The following SPEN variants were observed in gnomAD, a reference collection of about 807,000 sequenced individuals.
SPEN encodes the protein msx2-interacting protein.
Under a neutral mutation model 269.9 loss-of-function variants are expected in SPEN, and 18 were observed. The ratio of observed to expected loss-of-function variants is 0.07; its 90% confidence interval spans 0.05 to 0.10. The LOEUF is 0.10. Ranked by LOEUF, SPEN falls within the 10% of genes least tolerant of loss-of-function variation. The pLI is 1.00. For synonymous variants in SPEN, 1,726 were observed against 1,765.7 expected (o/e 0.98, Z 0.56); for missense variants, 3,822 against 4,631.2 (o/e 0.83, Z 5.07).
At chr1:15,873,742 G>A (rs2148710992) in intron 2 of SPEN, 4 of 1,004,562 alleles carry the variant, frequency 4.0e-6, no homozygotes, top group Non-Finnish European at 4.8e-6. Context: ...CACAATTTCT[G>A]TATTGTTGGA....
chr1:15,889,164 CT>C (rs56721891), intron 3 of SPEN, among the ~76,000 whole-genome samples: 144 of 124,888 alleles, frequency 1.2e-3, no homozygotes, highest in East Asian at 2.4e-3. Flanking sequence ...CTTTTCTTTT[CT>C]TTTTTTTTTT....
At chr1:15,916,000 A>T (rs1028312176) in intron 5 of SPEN, 128 bp from the exon 6 acceptor site, 2 of 1,052,942 alleles carry the variant, frequency 1.9e-6, no homozygotes, top group Non-Finnish European at 2.6e-6. Flanking sequence ...ATGATATTTC[A>T]GTTTATGTGA....
Position 15,937,344 on chromosome 1 carries a change from G to A in SPEN, c.10208G>A (p.Arg3403His), listed in dbSNP as rs549789481. Residue 3403 changes from arginine to histidine, a missense_variant, in exon 12 of 15, where the codon CGC becomes CAC. Arg to His is a conservative substitution (Grantham distance 29). This residue lies in a region of SPEN where 359 missense variants were observed against 377.3 expected (regional missense o/e 0.95). Transcript: ENST00000375759. This position sits in a 1 kb window ranked among gnomAD's most constrained non-coding sequence, Gnocchi z 5.7. ...ACCCAGACGGGAGTAGAGCAGCCTC[G>A]CCTCCCAGCTGGACCTGCAAACAGG... The part of the protein sequence containing the change: ...KGTQTGVEQP[R>H]LPAGPANRPP... 9.3e-6 allele frequency: 15 copies of A among 1,613,816 alleles called. No homozygotes were observed. The highest frequency in any genetic ancestry group is 5.3e-5 in the African/African-American group (4 of 74,914).
chr1:15,877,123 A>G (rs1172804625), intron 3 of SPEN, among the ~76,000 whole-genome samples: 1 of 152,230 alleles, frequency 6.6e-6, no homozygotes, highest in African/African-American at 2.4e-5. Flanking sequence ...ATCAATGACT[A>G]GATCAACTTA....
chr1:15,860,997 T>G (rs1216874840), intron 1 of SPEN, among the ~76,000 whole-genome samples: 1 of 151,980 alleles, frequency 6.6e-6, no homozygotes, highest in Non-Finnish European at 1.5e-5. Context: ...CTCTGCCTCC[T>G]GGGTTCAATT....
At chr1:15,891,390 C>T (rs536255773) in intron 3 of SPEN, among the ~76,000 whole-genome samples, 24 of 148,764 alleles carry the variant, frequency 1.6e-4, no homozygotes, top group African/African-American at 5.7e-4. Flanking sequence ...CTGGCTCTGT[C>T]GCCCAGGCTG....
In SPEN at chr1:15,933,122, C is replaced by G; in HGVS notation, c.6882C>G (p.Gly2294=). The part of the protein sequence containing the change: ...PPVNAPDPSA[G]PTDTKEARGN... Reference sequence around the variant, plus strand: ...TCAATGCTCCTGACCCCTCAGCCGGCCCAACAGATACCAAGGAAGCCAGAG... The same window carrying G: ...TCAATGCTCCTGACCCCTCAGCCGGGCCAACAGATACCAAGGAAGCCAGAG... The change falls in exon 11 of 15, where the codon GGC becomes GGG. Residue 2294 remains glycine (G), a synonymous_variant. Transcript: ENST00000375759. This position sits in a 1 kb window ranked among gnomAD's most constrained non-coding sequence, Gnocchi z 5.7. 6.2e-7 allele frequency: 1 copy of G among 1,614,170 alleles called. No homozygotes were observed. Among genetic ancestry groups the G allele is most frequent in the Non-Finnish European group, 8.5e-7 (1 of 1,180,034 alleles).
intron 10 of SPEN, among the ~76,000 whole-genome samples, chr1:15,926,293 G>A (rs905078421): frequency 6.6e-6 from 1 of 151,912 alleles, no homozygotes; most frequent in African/African-American, 2.4e-5. Flanking sequence ...GCTACTTGTG[G>A]TGGTGGTGAG....
intron 3 of SPEN, among the ~76,000 whole-genome samples, chr1:15,906,002 GTTTAC>G (rs978979496): frequency 6.6e-6 from 1 of 152,130 alleles, no homozygotes; most frequent in African/African-American, 2.4e-5. Context: ...TTTCCTTAAT[GTTTAC>G]TTTATGATTA....
At chr1:15,877,475 A>G (rs745471148) in intron 3 of SPEN, among the ~76,000 whole-genome samples, 5 of 152,194 alleles carry the variant, frequency 3.3e-5, no homozygotes, top group Non-Finnish European at 7.3e-5. Context: ...CATGTTGGCC[A>G]GGCTGTTCTT....
At chr1:15,904,648 A>AT (rs113834328) in intron 3 of SPEN, among the ~76,000 whole-genome samples, 7,473 of 139,400 alleles carry the variant, frequency 0.054, 246 homozygotes, top group South Asian at 0.16. Context: ...GAGTGTGATA[A>AT]TTTTTTTTTT....
chr1:15,882,315 TTATTTC>T (rs2070693198), intron 3 of SPEN, among the ~76,000 whole-genome samples: 1 of 152,152 alleles, frequency 6.6e-6, no homozygotes, highest in Non-Finnish European at 1.5e-5. Context: ...TGAACATACT[TTATTTC>T]TATAGTTCCC....
intron 6 of SPEN, among the ~76,000 whole-genome samples, 200 bp from the exon 7 acceptor site, chr1:15,918,726 A>G (rs754525701): frequency 8.5e-5 from 13 of 152,220 alleles, no homozygotes; most frequent in African/African-American, 3.1e-4. Flanking sequence ...GAAGGATTTC[A>G]TGGTTTGTGA....
intron 3 of SPEN, among the ~76,000 whole-genome samples, chr1:15,895,254 G>A (rs1033414272): frequency 4.6e-5 from 7 of 152,066 alleles, no homozygotes; most frequent in Non-Finnish European, 8.8e-5. Context: ...GTATAGTTCT[G>A]TGCCATTAAG....
intron 3 of SPEN, among the ~76,000 whole-genome samples, chr1:15,899,940 G>T (rs2070884546): frequency 6.6e-6 from 1 of 151,976 alleles, no homozygotes; most frequent in Non-Finnish European, 1.5e-5. Context: ...CTGCCTCCCA[G>T]GTTCAAGCAG....
At chr1:15,852,905 G>T (rs2070349946) in intron 1 of SPEN, among the ~76,000 whole-genome samples, 1 of 152,138 alleles carries the variant, frequency 6.6e-6, no homozygotes, top group Admixed American at 6.5e-5. Context: ...GATTGAGACA[G>T]AGTCACCCAA....
intron 1 of SPEN, among the ~76,000 whole-genome samples, chr1:15,849,709 C>A (rs982767249): frequency 6.6e-6 from 1 of 152,138 alleles, no homozygotes; most frequent in African/African-American, 2.4e-5. Flanking sequence ...TGGGAACTTT[C>A]TCTTCCTGGC....
At chr1:15,879,004 C>CAAAAAAAA (rs3048559) in intron 3 of SPEN, among the ~76,000 whole-genome samples, 6 of 76,524 alleles carry the variant, frequency 7.8e-5, no homozygotes, top group African/African-American at 1.1e-4. Context: ...GACTCTGTCT[C>CAAAAAAAA]AAAAAAAAAA....
chr1:15,938,565 C>CTTT lies in SPEN; in HGVS notation c.10705-136_10705-134dup, dbSNP rs200567875. 2.1e-3 allele frequency: 514 copies of CTTT among 239,084 alleles called. 9 individuals are homozygous for CTTT. Among genetic ancestry groups the CTTT allele is most frequent in the African/African-American group, 0.015 (474 of 31,622 alleles). 14.8% of individuals were successfully genotyped at this position (239,084 alleles called of 1,614,324 possible). A position where few individuals can be genotyped will look rare whatever the true frequency, so the allele number is the denominator to read the frequency against. On this transcript the variant is annotated intron_variant, in intron 13 of 14. Transcript: ENST00000375759. ...TCAGCTTTCTCAGGTTGAAAAAAAGCTTTTTTTTTTTTTTTTTTTCATTCA... is the reference window on the plus strand; with the variant it reads ...TCAGCTTTCTCAGGTTGAAAAAAAGCTTTTTTTTTTTTTTTTTTTTTTCATTCA...
Sources: allele counts gnomAD v4.1 joint callset (sites outside exome capture counted in the v4.1 genomes callset), GRCh38; gene constraint gnomAD v4.1.1; regional missense constraint gnomAD v4.1.1; non-coding constraint Gnocchi (gnomAD v3.1); transcripts MANE v1.5; gene names NCBI Gene and HGNC (gene_info 2026-07-23, HGNC 2026-07-21).